RNF130: variants seen among roughly 807,000 people sequenced by gnomAD.
RNF130 encodes the protein E3 ubiquitin-protein ligase RNF130.
RNF130 carries 21 observed loss-of-function variants against 44.6 expected under a neutral mutation model. The observed-to-expected ratio is 0.47, with a 90% CI of 0.33 to 0.68. The LOEUF (loss-of-function observed/expected upper bound fraction) is 0.68. Ranked by LOEUF, RNF130 falls within the 30% of genes least tolerant of loss-of-function variation. The pLI is 0.02. For missense variants in RNF130, 479 were observed against 560.6 expected (o/e 0.85, Z 1.47); for synonymous variants, 214 against 210.4 (o/e 1.02, Z -0.15).
chr5:179,975,093 G>A (rs948185973), intron 5 of RNF130, among the ~76,000 whole-genome samples: 21 of 152,258 alleles, frequency 1.4e-4, no homozygotes, highest in African/African-American at 3.6e-4. Context: ...TCAGAGTCCC[G>A]TGGGAAGACG....
intron 2 of RNF130, among the ~76,000 whole-genome samples, chr5:180,030,290 C>T (rs574437873): frequency 6.6e-6 from 1 of 152,324 alleles, no homozygotes; most frequent in Non-Finnish European, 1.5e-5. Flanking sequence ...GGACATACAA[C>T]TGAAACCTGT....
chr5:179,954,262 T>A (rs1358157995), downstream of RNF130, among the ~76,000 whole-genome samples: 1 of 152,164 alleles, frequency 6.6e-6, no homozygotes, highest in East Asian at 1.9e-4. Flanking sequence ...CAAAGAGAAC[T>A]GAAAATATAT....
chr5:180,047,484 G>A (rs947310598), intron 1 of RNF130, among the ~76,000 whole-genome samples: 2 of 152,112 alleles, frequency 1.3e-5, no homozygotes, highest in African/African-American at 4.8e-5. Context: ...GTGGTTCATA[G>A]CTGTCATCCC....
chr5:179,993,620 T>C (rs1220025249), intron 3 of RNF130, among the ~76,000 whole-genome samples: 2 of 152,234 alleles, frequency 1.3e-5, no homozygotes, highest in African/African-American at 4.8e-5. Flanking sequence ...AGATTCTGGA[T>C]ATTAGCCCTT....
At chr5:179,954,105 G>A (rs1489018689), downstream of RNF130, among the ~76,000 whole-genome samples, 3 of 152,188 alleles carry the variant, frequency 2.0e-5, no homozygotes, top group Non-Finnish European at 2.9e-5. Context: ...CTGGTGTTAT[G>A]GAGGTTGTGA....
intron 1 of RNF130, among the ~76,000 whole-genome samples, chr5:180,069,395 T>C (rs939405132): frequency 2.6e-5 from 4 of 152,096 alleles, no homozygotes; most frequent in Admixed American, 6.5e-5. Context: ...AAACCACCTG[T>C]AGGATCCCCC....
At chr5:180,071,375 G>A in intron 1 of RNF130, 81 bp downstream of exon 1, 1 of 1,205,820 alleles carries the variant, frequency 8.3e-7, no homozygotes, top group Non-Finnish European at 1.0e-6. Flanking sequence ...GCCAGGGCCA[G>A]AGCCGGGGCC....
At chr5:180,058,179 G>A (rs1764882748) in intron 1 of RNF130, among the ~76,000 whole-genome samples, 1 of 152,142 alleles carries the variant, frequency 6.6e-6, no homozygotes, top group African/African-American at 2.4e-5. Context: ...TGACTGGAAG[G>A]GACCTGAGGT....
intron 4 of RNF130, among the ~76,000 whole-genome samples, chr5:179,979,340 C>G (rs1400160025): frequency 6.7e-6 from 1 of 149,732 alleles, no homozygotes; most frequent in Non-Finnish European, 1.5e-5. Flanking sequence ...CAACTAGATA[C>G]GGTGGTATCA....
intron 3 of RNF130, among the ~76,000 whole-genome samples, chr5:179,984,950 A>T (rs1762920582): frequency 1.3e-5 from 2 of 152,254 alleles, no homozygotes; most frequent in East Asian, 3.9e-4. Context: ...CCAGAATCTG[A>T]AAAATTTCTG....
chr5:179,952,636 G>C (rs1463370743), downstream of RNF130, among the ~76,000 whole-genome samples: 1 of 152,010 alleles, frequency 6.6e-6, no homozygotes, highest in Non-Finnish European at 1.5e-5. Flanking sequence ...AATATAAAAA[G>C]GATTGTACAT....
At chr5:180,053,279 C>T (rs536490680) in intron 1 of RNF130, among the ~76,000 whole-genome samples, 1 of 152,174 alleles carries the variant, frequency 6.6e-6, no homozygotes, top group African/African-American at 2.4e-5. Context: ...AGTGGCCAGG[C>T]ATATCCCGGT....
At chr5:179,929,820 C>T (rs1199125934) in intron 7 of RNF130, among the ~76,000 whole-genome samples, 1 of 152,118 alleles carries the variant, frequency 6.6e-6, no homozygotes, top group African/African-American at 2.4e-5. Context: ...TGGGGTGTGA[C>T]CGAAATCACA....
intron 1 of RNF130, among the ~76,000 whole-genome samples, chr5:180,053,765 A>G (rs1199792225): frequency 6.6e-6 from 1 of 152,082 alleles, no homozygotes; most frequent in African/African-American, 2.4e-5. Flanking sequence ...GAGAACTGCA[A>G]CAAGCACGGC....
At chr5:179,959,321 G>A (rs1458099811) in intron 8 of RNF130, among the ~76,000 whole-genome samples, 1 of 152,076 alleles carries the variant, frequency 6.6e-6, no homozygotes, top group Non-Finnish European at 1.5e-5. Context: ...TGCTGAGTGT[G>A]CTAGTTTCTC....
chr5:179,999,641 C>T (rs894141110), intron 3 of RNF130, among the ~76,000 whole-genome samples: 2 of 151,980 alleles, frequency 1.3e-5, no homozygotes, highest in East Asian at 1.9e-4. Flanking sequence ...TGTTTGAACC[C>T]GGGAGGCGAA....
Position 179,955,572 on chromosome 5 carries a change from G to T in RNF130, c.*82C>A. ...ATGTACTAAAAATAAATGCTTGTGT[G>T]GCATGATTGGTAAATGATGCACAAA... On this transcript the variant is annotated 3_prime_UTR_variant, in exon 9 of 9. Coordinates refer to ENST00000521389, the MANE Select transcript of RNF130 (RefSeq NM_018434.6). The T allele has an allele frequency of 8.8e-7, 1 of 1,135,692 alleles. No homozygotes were observed. Among genetic ancestry groups the T allele is most frequent in the Non-Finnish European group, 1.3e-6 (1 of 782,818 alleles). The allele number at this position is 1,135,692 out of a possible 1,614,324, so 70.4% of individuals were successfully genotyped here.
intron 3 of RNF130, among the ~76,000 whole-genome samples, chr5:179,990,514 C>T (rs1424336725): frequency 6.6e-6 from 1 of 152,136 alleles, no homozygotes; most frequent in Non-Finnish European, 1.5e-5. Flanking sequence ...CAGATAACTG[C>T]GGGTGGGCCT....
intron 3 of RNF130, among the ~76,000 whole-genome samples, chr5:179,994,715 G>C (rs892685412): frequency 1.3e-5 from 2 of 152,206 alleles, no homozygotes; most frequent in African/African-American, 4.8e-5. Context: ...AGCAATGGTG[G>C]TAAAAGAAGT....
Sources: allele counts gnomAD v4.1 joint callset (sites outside exome capture counted in the v4.1 genomes callset), GRCh38; gene constraint gnomAD v4.1.1; transcripts MANE v1.5; gene names NCBI Gene and HGNC (gene_info 2026-07-23, HGNC 2026-07-21).